Variants in ARSI observed in about 807,000 individuals in gnomAD.
The protein encoded by ARSI is arylsulfatase family member I, also known as arylsulfatase I.
Under a neutral mutation model 42.1 loss-of-function variants are expected in ARSI, and 37 were observed. The observed-to-expected ratio is 0.88, with a 90% CI of 0.68 to 1.16. The LOEUF (loss-of-function observed/expected upper bound fraction) is 1.16. Ranked by LOEUF, ARSI falls within the 50% of genes most tolerant of loss-of-function variation. The pLI is 0.00. For synonymous variants in ARSI, 305 were observed against 320.3 expected (o/e 0.95, Z 0.51); for missense variants, 725 against 790.1 (o/e 0.92, Z 0.99).
chr5:150,302,451 G>T lies in ARSI; in HGVS notation c.-78C>A. ...CTCGCGCGCCCAGGGCGCACCACCG[G>T]CCCGCCGGCTCGGATGCTGCGAGGG... On this transcript the variant is annotated 5_prime_UTR_variant, in exon 1 of 2. Coordinates refer to ENST00000328668, the MANE Select transcript of ARSI (RefSeq NM_001012301.4). The surrounding 1 kb of genome is among the most constrained non-coding windows in gnomAD (Gnocchi z 6.1). 1.7e-6 allele frequency: 2 copies of T among 1,153,740 alleles called. No individual in the cohort carries two copies. Among genetic ancestry groups the T allele is most frequent in the Non-Finnish European group, 2.3e-6 (2 of 880,692 alleles). 71.5% of individuals were successfully genotyped at this position (1,153,740 alleles called of 1,614,324 possible).
Position 150,302,509 on chromosome 5 carries a change from TG to T in ARSI, c.-137del. The T allele has an allele frequency of 1.6e-6, 1 of 634,432 alleles. No homozygotes were observed. Among genetic ancestry groups the T allele is most frequent in the South Asian group, 4.3e-5 (1 of 23,346 alleles). 39.3% of individuals were successfully genotyped at this position (634,432 alleles called of 1,614,324 possible). On this transcript the variant is annotated 5_prime_UTR_variant, in exon 1 of 2. Transcript: ENST00000328668. The surrounding 1 kb of genome is among the most constrained non-coding windows in gnomAD (Gnocchi z 6.1). The stretch of plus-strand genomic sequence containing the variant: ...CGCCCCCCGGGGACGGTCCAGTGTC[TG>T]GTCCGGGACTGGCTGCCGGACGGCT...
chr5:150,297,648 G>A lies in ARSI; in HGVS notation c.1276C>T (p.Leu426=), dbSNP rs765592344. Residue 426 remains leucine (L), a synonymous_variant, in exon 2 of 2, where the codon CTG becomes TTG. Coordinates refer to ENST00000328668, the MANE Select transcript of ARSI (RefSeq NM_001012301.4). This position sits in a 1 kb window ranked among gnomAD's most constrained non-coding sequence, Gnocchi z 7.0. ...QAAIRVGEWK[L]LTGDPGYGDW... ...CCATAGCCGGGGTCTCCTGTCAGCA[G>A]CTTCCACTCACCCACGCGGATGGCA... 22 of 1,612,944 alleles carry A rather than the reference G, an allele frequency of 1.4e-5. No homozygotes were observed. The highest frequency in any genetic ancestry group is 1.8e-5 in the Non-Finnish European group (21 of 1,179,910).
In ARSI at chr5:150,297,932, C is replaced by A. The variant is rs770762677; in HGVS notation, c.992G>T (p.Ser331Ile). The change falls in exon 2 of 2, where the codon AGT becomes ATT. Residue 331 changes from serine to isoleucine, a missense_variant. Ser to Ile is a moderately radical substitution (Grantham distance 142). Transcript: ENST00000328668. This position sits in a 1 kb window ranked among gnomAD's most constrained non-coding sequence, Gnocchi z 7.0. ...CCGTTGCTTTCGCTTGAGCAGGGGA[C>A]TGTGGACAAAGCCTAGGCCCCGCAC... is the stretch of plus-strand genomic sequence containing the variant. The part of the protein sequence containing the change: ...GGVRGLGFVH[S>I]PLLKRKQRTS... 6.2e-7 allele frequency: 1 copy of A among 1,611,414 alleles called. No individual in the cohort carries two copies. Among genetic ancestry groups the A allele is most frequent in the East Asian group, 2.2e-5 (1 of 44,874 alleles).
chr5:150,301,743 G>C (rs1031842808), intron 1 of ARSI, among the ~76,000 whole-genome samples: 1 of 152,074 alleles, frequency 6.6e-6, no homozygotes, highest in African/African-American at 2.4e-5. Context: ...TCAGGGTCTC[G>C]GGGTCCATAA....
At position 150,298,267 on chromosome 5, in the gene ARSI, G is replaced by C; in HGVS notation, c.657C>G (p.Ile219Met). The change falls in exon 2 of 2, where the codon ATC (isoleucine) becomes ATG (methionine). Residue 219 changes from isoleucine (I) to methionine (M), a missense_variant. Coordinates refer to ENST00000328668, the MANE Select transcript of ARSI (RefSeq NM_001012301.4). ...TMLYAQRASH[I>M]LASHSPQRPL... ...GACGCTGAGGGCTGTGGCTGGCCAG[G>C]ATATGGCTGGCGCGCTGGGCATAAA... The C allele has an allele frequency of 6.2e-7, 1 of 1,613,790 alleles. No homozygotes were observed. The highest frequency in any genetic ancestry group is 8.5e-7 in the Non-Finnish European group (1 of 1,179,814).
Position 150,297,827 on chromosome 5 carries a change from T to C in ARSI, c.1097A>G (p.Asp366Gly). The change falls in exon 2 of 2, where the codon GAT (aspartate) becomes GGT (glycine). Residue 366 changes from aspartate to glycine, a missense_variant. Asp to Gly is a moderately conservative substitution (Grantham distance 94). Coordinates refer to ENST00000328668, the MANE Select transcript of ARSI (RefSeq NM_001012301.4). The surrounding 1 kb of genome is among the most constrained non-coding windows in gnomAD (Gnocchi z 7.0). ...GLAGGTTSAA[D>G]GLDGYDVWPA... ...CCACACGTCGTAGCCATCTAGCCCA[T>C]CGGCTGCTGAGGTGGTACCACCTGC... 1.9e-6 allele frequency: 3 copies of C among 1,608,824 alleles called. No individual in the cohort carries two copies. Among genetic ancestry groups the C allele is most frequent in the Non-Finnish European group, 2.5e-6 (3 of 1,177,594 alleles).
Position 150,297,622 on chromosome 5 carries a change from G to T in ARSI, c.1302C>A (p.Gly434=). Residue 434 remains glycine, a synonymous_variant, in exon 2 of 2, where the codon GGC becomes GGA. Coordinates refer to ENST00000328668, the MANE Select transcript of ARSI (RefSeq NM_001012301.4). The surrounding 1 kb of genome is among the most constrained non-coding windows in gnomAD (Gnocchi z 7.0). The part of the protein sequence containing the change: ...WKLLTGDPGY[G]DWIPPQTLAT... ...CCAGTGTCTGCGGTGGGATCCAATC[G>T]CCATAGCCGGGGTCTCCTGTCAGCA... The T allele has an allele frequency of 1.2e-6, 2 of 1,611,106 alleles. No homozygotes were observed. Among genetic ancestry groups the T allele is most frequent in the South Asian group, 2.2e-5 (2 of 90,792 alleles).
At position 150,297,015 on chromosome 5, in the gene ARSI, G is replaced by A. The variant is rs1757813133; in HGVS notation, c.*199C>T. On this transcript the variant is annotated 3_prime_UTR_variant, in exon 2 of 2. Coordinates refer to ENST00000328668, the MANE Select transcript of ARSI (RefSeq NM_001012301.4). This position sits in a 1 kb window ranked among gnomAD's most constrained non-coding sequence, Gnocchi z 7.0. ...GGTCACAGAGCAAGTCCGTGAGGAG[G>A]CAGGACTGAGACACAGGCATCCCAG... 4 of 524,972 alleles carry A rather than the reference G, an allele frequency of 7.6e-6. No homozygotes were observed. In the South Asian group the frequency reaches 1.1e-4, roughly 15 times the overall value. 32.5% of individuals were successfully genotyped at this position (524,972 alleles called of 1,614,324 possible). A position where few individuals can be genotyped will look rare whatever the true frequency, so the allele number is the denominator to read the frequency against.
chr5:150,297,745 G>A lies in ARSI; in HGVS notation c.1179C>T (p.Asp393=). 6.2e-7 allele frequency: 1 copy of A among 1,612,222 alleles called. No individual in the cohort carries two copies. Among genetic ancestry groups the A allele is most frequent in the Non-Finnish European group, 8.5e-7 (1 of 1,179,434 alleles). Residue 393 remains aspartate, a synonymous_variant, in exon 2 of 2, where the codon GAC becomes GAT. Transcript: ENST00000328668. The surrounding 1 kb of genome is among the most constrained non-coding windows in gnomAD (Gnocchi z 7.0). ...CATGCTGGGCATGGTTGTAGAGTGG[G>A]TCAATGTTGTGCAGGATCTCCGTGC... ...SPRTEILHNI[D]PLYNHAQHGS...
chr5:150,298,132 C>CG lies in ARSI; in HGVS notation c.791dup (p.Ala265GlyfsTer8). ...CCTCATCCATGCAGGTCACCATGGC[C>CG]GCGTACTTCCGCCGGGCCACATTGC... On this transcript the variant is annotated frameshift_variant, in exon 2 of 2. Coordinates refer to ENST00000328668, the MANE Select transcript of ARSI (RefSeq NM_001012301.4). LOFTEE classifies it high-confidence loss of function. 5.0e-6 allele frequency: 8 copies of CG among 1,613,810 alleles called. No individual in the cohort carries two copies. Among genetic ancestry groups the CG allele is most frequent in the Non-Finnish European group, 6.8e-6 (8 of 1,180,022 alleles).
Position 150,297,137 on chromosome 5 carries a change from G to A in ARSI, c.*77C>T, listed in dbSNP as rs1024315374. 1 of 1,453,874 alleles carries A rather than the reference G, an allele frequency of 6.9e-7. No individual in the cohort carries two copies. The highest frequency in any genetic ancestry group is 9.3e-7 in the Non-Finnish European group (1 of 1,075,870). 90.1% of individuals were successfully genotyped at this position (1,453,874 alleles called of 1,614,324 possible). ...CTCCCTGTAGATGGAGATGTGACAG[G>A]CTTCTCCCTGAGAAACAGCAGGGCC... On this transcript the variant is annotated 3_prime_UTR_variant, in exon 2 of 2. Coordinates refer to ENST00000328668, the MANE Select transcript of ARSI (RefSeq NM_001012301.4). This position sits in a 1 kb window ranked among gnomAD's most constrained non-coding sequence, Gnocchi z 7.0.
rs768805160 is a variant in ARSI at position 150,302,238 on chromosome 5, G to T, written c.136C>A (p.Pro46Thr). The part of the protein sequence containing the change: ...GEQPSAAPPQ[P>T]PHIIFILTDD... ...GTGAGGATGAAGATGATGTGGGGAG[G>T]CTGGGGCGGAGCGGCCGAGGGCTGC... The change falls in exon 1 of 2, where the codon CCT becomes ACT. Residue 46 changes from proline to threonine, a missense_variant. Pro to Thr is a conservative substitution (Grantham distance 38). Transcript: ENST00000328668. This position sits in a 1 kb window ranked among gnomAD's most constrained non-coding sequence, Gnocchi z 6.1. 6.2e-7 allele frequency: 1 copy of T among 1,613,174 alleles called. No individual in the cohort carries two copies. Among genetic ancestry groups the T allele is most frequent in the African/African-American group, 1.3e-5 (1 of 75,060 alleles).
chr5:150,302,239 C>G lies in ARSI; in HGVS notation c.135G>C (p.Gln45His). Reference protein sequence around the residue: ...AGEQPSAAPPQPPHIIFILTD... With the variant: ...AGEQPSAAPPHPPHIIFILTD... ...TGAGGATGAAGATGATGTGGGGAGG[C>G]TGGGGCGGAGCGGCCGAGGGCTGCT... The change falls in exon 1 of 2, where the codon CAG (glutamine) becomes CAC (histidine). Residue 45 changes from glutamine (Q) to histidine (H), a missense_variant. Physicochemically the swap from Gln to His is conservative, Grantham distance 24 (BLOSUM62 0). Coordinates refer to ENST00000328668, the MANE Select transcript of ARSI (RefSeq NM_001012301.4). This position sits in a 1 kb window ranked among gnomAD's most constrained non-coding sequence, Gnocchi z 6.1. 5.6e-6 allele frequency: 9 copies of G among 1,612,986 alleles called. No individual in the cohort carries two copies. Among genetic ancestry groups the G allele is most frequent in the Non-Finnish European group, 7.6e-6 (9 of 1,179,862 alleles).
In ARSI at chr5:150,300,934, C is replaced by T. The variant is rs11956540; in HGVS notation, c.311+1129G>A. Reference sequence around the variant, plus strand: ...ACCCCAACCCATACACACCCCACACCCCTCCTTCTTTCTTCTGTTCTCCTT... The same window carrying T: ...ACCCCAACCCATACACACCCCACACTCCTCCTTCTTTCTTCTGTTCTCCTT... On this transcript the variant is annotated intron_variant, in intron 1 of 1. Transcript: ENST00000328668. Among the ~76,000 whole-genome samples the T allele has an allele frequency of 8.5e-3, 1,292 of 152,260 alleles. 19 individuals are homozygous for T. The highest frequency in any genetic ancestry group is 0.029 in the African/African-American group (1,211 of 41,526).
rs76556550 is a variant in ARSI, at chr5:150,297,829, G to A, written c.1095C>T (p.Ala365=). 1.8e-4 allele frequency: 294 copies of A among 1,609,072 alleles called. 1 individual carries two copies. In the East Asian group the frequency reaches 2.3e-3, roughly 13 times the overall value. Residue 365 remains alanine, a synonymous_variant, in exon 2 of 2, where the codon GCC becomes GCT. Transcript: ENST00000328668. The surrounding 1 kb of genome is among the most constrained non-coding windows in gnomAD (Gnocchi z 7.0). The part of the protein sequence containing the change: ...VGLAGGTTSA[A]DGLDGYDVWP... ...ACACGTCGTAGCCATCTAGCCCATCGGCTGCTGAGGTGGTACCACCTGCCA... is the reference window on the plus strand; with the variant it reads ...ACACGTCGTAGCCATCTAGCCCATCAGCTGCTGAGGTGGTACCACCTGCCA...
chr5:150,302,043 G>A lies in ARSI; in HGVS notation c.311+20C>T. 1 of 1,551,786 alleles carries A rather than the reference G, an allele frequency of 6.4e-7. No individual in the cohort carries two copies. Among genetic ancestry groups the A allele is most frequent in the Admixed American group, 1.9e-5 (1 of 51,724 alleles). On this transcript the variant is annotated intron_variant, in intron 1 of 1. Coordinates refer to ENST00000328668, the MANE Select transcript of ARSI (RefSeq NM_001012301.4). The surrounding 1 kb of genome is among the most constrained non-coding windows in gnomAD (Gnocchi z 6.1). ...TTTGGGGTTTAGATGCCCAGCCCCG[G>A]GGCCTTGAGCCACGCCTACCTGCCA...
In ARSI at chr5:150,297,603, T is replaced by C. The variant is rs749287540; in HGVS notation, c.1321A>G (p.Thr441Ala). ...PGYGDWIPPQTLATFPGSWWN... is the reference protein window; with the variant it reads ...PGYGDWIPPQALATFPGSWWN... ...CAGCTACCCGGGAAGGTGGCCAGTG[T>C]CTGCGGTGGGATCCAATCGCCATAG... The change falls in exon 2 of 2, where the codon ACA becomes GCA. Residue 441 changes from threonine (T) to alanine (A), a missense_variant. Physicochemically the swap from Thr to Ala is moderately conservative, Grantham distance 58. Transcript: ENST00000328668. The surrounding 1 kb of genome is among the most constrained non-coding windows in gnomAD (Gnocchi z 7.0). 5.6e-6 allele frequency: 9 copies of C among 1,610,534 alleles called. No individual in the cohort carries two copies. Among genetic ancestry groups the C allele is most frequent in the African/African-American group, 2.7e-5 (2 of 74,908 alleles).
chr5:150,302,400 G>T lies in ARSI; in HGVS notation c.-27C>A, dbSNP rs1468958839. On this transcript the variant is annotated 5_prime_UTR_variant, in exon 1 of 2. Transcript: ENST00000328668. This position sits in a 1 kb window ranked among gnomAD's most constrained non-coding sequence, Gnocchi z 6.1. ...GCCAAGCCGGCCCGCGCGTCCCGGC[G>T]CGCCGGGCTCCTGGGGCCTCACCAC... 1.4e-6 allele frequency: 2 copies of T among 1,411,506 alleles called. No individual in the cohort carries two copies. Among genetic ancestry groups the T allele is most frequent in the East Asian group, 5.6e-5 (2 of 35,736 alleles). The allele number at this position is 1,411,506 out of a possible 1,614,324, so 87.4% of individuals were successfully genotyped here.
rs1024245597 is a variant in ARSI at position 150,302,894 on chromosome 5, G to C, written c.-521C>G. 2.0e-5 allele frequency: 3 copies of C among 152,294 alleles called. No individual in the cohort carries two copies. Among genetic ancestry groups the C allele is most frequent in the Non-Finnish European group, 4.4e-5 (3 of 68,108 alleles). 9.4% of individuals were successfully genotyped at this position (152,294 alleles called of 1,614,324 possible). A position where few individuals can be genotyped will look rare whatever the true frequency, so the allele number is the denominator to read the frequency against. On this transcript the variant is annotated 5_prime_UTR_variant, in exon 1 of 2. Coordinates refer to ENST00000328668, the MANE Select transcript of ARSI (RefSeq NM_001012301.4). The surrounding 1 kb of genome is among the most constrained non-coding windows in gnomAD (Gnocchi z 6.1). ...GTTGGGCGGGTCGAGGGGACACGGC[G>C]GGAGAGAATTCGAAAAAGTTGTAAC...
Sources: gnomAD v4.1 joint callset for allele counts (sites outside exome capture counted in the v4.1 genomes callset) on GRCh38, gnomAD v4.1.1 for gene constraint, Gnocchi (gnomAD v3.1) non-coding constraint, MANE v1.5 for transcripts, NCBI Gene and HGNC (gene_info 2026-07-23, HGNC 2026-07-21) for gene names.